The following CYP4F12 variants were observed in gnomAD, a reference collection of about 807,000 sequenced individuals.
CYP4F12 encodes cytochrome P450 4F12.
A neutral mutation model predicts 56.5 loss-of-function variants in CYP4F12; 60 were observed. That is an observed-to-expected ratio of 1.06 (90% CI 0.86 to 1.32). The LOEUF is 1.32. CYP4F12 is among the 40% of genes most tolerant of loss of function. The pLI, the probability that CYP4F12 is intolerant of heterozygous loss-of-function variation, is 0.00. For synonymous variants in CYP4F12, 263 were observed against 264.9 expected (o/e 0.99, Z 0.07); for missense variants, 711 against 683.5 (o/e 1.04, Z -0.45).
At position 15,697,081 on chromosome 19, in the gene CYP4F12, A is replaced by G. The variant is rs1226127535; in HGVS notation, c.1571A>G (p.Gln524Arg). The G allele has an allele frequency of 8.1e-6, 13 of 1,612,428 alleles. No individual in the cohort carries two copies. Among genetic ancestry groups the G allele is most frequent in the Admixed American group, 1.7e-5 (1 of 59,932 alleles). The change falls in exon 13 of 13, where the codon CAG (glutamine) becomes CGG (arginine). Residue 524 changes from glutamine to arginine, a missense_variant. By Grantham distance (43) the Gln-to-Arg change is conservative (BLOSUM62 1). Coordinates refer to ENST00000550308, the MANE Select transcript of CYP4F12 (RefSeq NM_023944.4). ...LRVEPLNVSL[Q>R] is the part of the protein sequence containing the mutation. ...GTGGAGCCCCTGAATGTAAGCTTGCAGTGACTTTCTGACCCATCCACCTGT... is the reference window on the plus strand; with the variant it reads ...GTGGAGCCCCTGAATGTAAGCTTGCGGTGACTTTCTGACCCATCCACCTGT...
intron 12 of CYP4F12, 130 bp downstream of exon 12, chr19:15,696,642 C>G: frequency 2.5e-6 from 3 of 1,220,362 alleles, no homozygotes; most frequent in Admixed American, 4.5e-5. Context: ...GGGAAAACGT[C>G]CATAGAATGG....
rs1240204147 is a variant in CYP4F12 at position 15,683,721 on chromosome 19, G to A, written c.876G>A (p.Lys292=). Residue 292 remains lysine (K), a synonymous_variant, in exon 7 of 13, where the codon AAG becomes AAA. Transcript: ENST00000550308. ...ATGATTTTTTCAAAGACAAAGCCAA[G>A]TCCAAGACTTTGGATTTCATTGATG... The part of the protein sequence containing the change: ...GIDDFFKDKA[K]SKTLDFIDVL... The A allele has an allele frequency of 1.3e-6, 2 of 1,592,446 alleles. No individual in the cohort carries two copies. The highest frequency in any genetic ancestry group is 1.7e-6 in the Non-Finnish European group (2 of 1,170,446).
Position 15,673,534 on chromosome 19 carries a change from C to T in CYP4F12, c.5C>T (p.Ser2Leu), listed in dbSNP as rs770281294. 23 of 1,613,156 alleles carry T rather than the reference C, an allele frequency of 1.4e-5. No homozygotes were observed. Among genetic ancestry groups the T allele is most frequent in the East Asian group, 4.5e-5 (2 of 44,870 alleles). The change falls in exon 2 of 13, where the codon TCG becomes TTG. Residue 2 changes from serine (S) to leucine (L), a missense_variant. Physicochemically the swap from Ser to Leu is moderately radical, Grantham distance 145 (BLOSUM62 -2). Transcript: ENST00000550308. ...GCATCCCCTCTGCCCTGCAGGATGT[C>T]GCTGCTGAGCCTGCCCTGGCTGGGC... MSLLSLPWLGLR... is the reference protein window; with the variant it reads MLLLSLPWLGLR...
rs1166149838 is a variant in CYP4F12 at position 15,678,276 on chromosome 19, G to C, written c.214G>C (p.Glu72Gln). The part of the protein sequence containing the change: ...GHLGLITPTE[E>Q]GLKNSTQMSA... ...TTGCTTTCAGATCACTCCTACAGAGGAGGGCTTGAAGAACTCGACCCAGAT... is the reference window on the plus strand; with the variant it reads ...TTGCTTTCAGATCACTCCTACAGAGCAGGGCTTGAAGAACTCGACCCAGAT... Residue 72 changes from glutamate (E) to glutamine (Q), a missense_variant, in exon 3 of 13, where the codon GAG becomes CAG. Physicochemically the swap from Glu to Gln is conservative, Grantham distance 29. Coordinates refer to ENST00000550308, the MANE Select transcript of CYP4F12 (RefSeq NM_023944.4). 1 of 1,614,204 alleles carries C rather than the reference G, an allele frequency of 6.2e-7. No homozygotes were observed. The highest frequency in any genetic ancestry group is 1.7e-5 in the Admixed American group (1 of 60,026).
rs371152597 is a variant in CYP4F12, at chr19:15,678,030, C to G, written c.199-231C>G. The stretch of plus-strand genomic sequence containing the variant: ...CCTCTCCTCACTCACTCCTTCCTCT[C>G]CACACTCACTCATTCCTCTCCTCAC... On this transcript the variant is annotated intron_variant, in intron 2 of 12. Coordinates refer to ENST00000550308, the MANE Select transcript of CYP4F12 (RefSeq NM_023944.4). Among the ~76,000 whole-genome samples the G allele has an allele frequency of 6.1e-5, 8 of 130,610 alleles. 2 individuals carry two copies. Among genetic ancestry groups the G allele is most frequent in the African/African-American group, 2.6e-4 (8 of 31,076 alleles). 85.7% of individuals were successfully genotyped at this position (130,610 alleles called of 152,430 possible).
intron 3 of CYP4F12, 180 bp downstream of exon 3, chr19:15,678,585 G>T: frequency 1.2e-6 from 1 of 837,602 alleles, no homozygotes; most frequent in South Asian, 1.8e-5. Flanking sequence ...GGCTCCAAGA[G>T]GCCTCAATTC....
intron 7 of CYP4F12, 47 bp downstream of exon 7, chr19:15,683,810 T>C (rs1194224729): frequency 4.7e-6 from 7 of 1,491,674 alleles, no homozygotes; most frequent in Non-Finnish European, 5.3e-6. Flanking sequence ...TAGAGCTTCA[T>C]GTCAAATGTC....
intron 5 of CYP4F12, chr19:15,680,979 G>T (rs1482737640): frequency 1.1e-5 from 3 of 278,454 alleles, no homozygotes; most frequent in Non-Finnish European, 2.1e-5. Context: ...TCACGTTTGG[G>T]GCTTCAGTAC....
In CYP4F12 at chr19:15,680,496, A is replaced by T. The variant is rs376384018; in HGVS notation, c.502A>T (p.Asn168Tyr). The change falls in exon 5 of 13, where the codon AAC becomes TAC. Residue 168 changes from asparagine to tyrosine, a missense_variant. Transcript: ENST00000550308. ...NILKSYITIFNKSANIMLDKW... is the reference protein window; with the variant it reads ...NILKSYITIFYKSANIMLDKW... ...CCTGAAGTCCTATATAACGATCTTC[A>T]ACAAGAGTGCAAACATCATGCTTGT... 6.2e-7 allele frequency: 1 copy of T among 1,614,180 alleles called. No individual in the cohort carries two copies. Among genetic ancestry groups the T allele is most frequent in the Non-Finnish European group, 8.5e-7 (1 of 1,180,026 alleles).
intron 5 of CYP4F12, chr19:15,681,496 T>A (rs910500628): frequency 2.0e-5 from 3 of 152,250 alleles, no homozygotes; most frequent in Non-Finnish European, 4.4e-5. Flanking sequence ...GTACTTCTTG[T>A]TGGTTTGTAT....
chr19:15,674,712 C>T (rs796308351), intron 2 of CYP4F12, among the ~76,000 whole-genome samples: 3,085 of 23,660 alleles, frequency 0.13, 16 homozygotes, highest in African/African-American at 0.27. Flanking sequence ...TTCCTCTACC[C>T]ACCGACTCAT....
chr19:15,674,689 C>A (rs9305062), intron 2 of CYP4F12, among the ~76,000 whole-genome samples: 1 of 135,284 alleles, frequency 7.4e-6, no homozygotes, highest in Non-Finnish European at 1.6e-5. Context: ...TCATTCCTCT[C>A]CTCATTCACT....
At chr19:15,683,811 G>A in intron 7 of CYP4F12, 48 bp downstream of exon 7, 1 of 1,491,156 alleles carries the variant, frequency 6.7e-7, no homozygotes, top group Non-Finnish European at 8.9e-7. Context: ...AGAGCTTCAT[G>A]TCAAATGTCA....
At chr19:15,680,938 G>A in intron 5 of CYP4F12, 1 of 308,082 alleles carries the variant, frequency 3.2e-6, no homozygotes, top group South Asian at 2.8e-5. Flanking sequence ...GTGGGTCGGG[G>A]GGCAGCTTTG....
intron 2 of CYP4F12, among the ~76,000 whole-genome samples, chr19:15,677,056 T>TTCACTCATTCCTCTCCTCAC (rs2006980257): frequency 9.0e-5 from 1 of 11,122 alleles, no homozygotes; most frequent in Non-Finnish European, 2.1e-4. Flanking sequence ...CCTCCCCTCA[T>TTCACTCATTCCTCTCCTCAC]TCAGTCATTC....
chr19:15,683,693 T>C lies in CYP4F12; in HGVS notation c.848T>C (p.Ile283Thr), dbSNP rs1451452372. 7 of 1,607,900 alleles carry C rather than the reference T, an allele frequency of 4.4e-6. No homozygotes were observed. In the South Asian group the frequency reaches 6.6e-5, roughly 15 times the overall value. Residue 283 changes from isoleucine to threonine, a missense_variant, in exon 7 of 13, where the codon ATT (isoleucine) becomes ACT (threonine). Transcript: ENST00000550308. ...CGTCGCACCCTCCCCACTCAGGGTA[T>C]TGATGATTTTTTCAAAGACAAAGCC... The part of the protein sequence containing the change: ...ERRRTLPTQG[I>T]DDFFKDKAKS...
At chr19:15,685,707 A>G (rs974229025) in intron 9 of CYP4F12, among the ~76,000 whole-genome samples, 4 of 152,212 alleles carry the variant, frequency 2.6e-5, no homozygotes, top group African/African-American at 9.7e-5. Context: ...AGGACAATAT[A>G]TGAAGGCAGA....
chr19:15,696,153 T>C lies in CYP4F12; in HGVS notation c.1250-8T>C, dbSNP rs764812663. The stretch of plus-strand genomic sequence containing the variant: ...TCCTTGTCCTGACTGCCCCTTTCTC[T>C]CCCACAGGCATTACCTGCCTCATCG... On this transcript the variant is annotated splice_region_variant and splice_polypyrimidine_tract_variant and intron_variant, in intron 10 of 12. Transcript: ENST00000550308. The C allele has an allele frequency of 1.9e-6, 3 of 1,613,504 alleles. No homozygotes were observed. In the Admixed American group the frequency reaches 5.0e-5, roughly 27 times the overall value.
rs1478262914 is a variant in CYP4F12, at chr19:15,696,105, A to C, written c.1249+36A>C. The C allele has an allele frequency of 1.9e-6, 3 of 1,610,642 alleles. No homozygotes were observed. The African/African-American group carries it at 4.0e-5, about 22-fold the overall frequency. On this transcript the variant is annotated intron_variant, in intron 10 of 12. Transcript: ENST00000550308. ...CCTCAGGGGGAGAAGCCTCCCGGGT[A>C]GGAAGATGGTTCCCTCAGGGGATCC...
Sources: allele counts gnomAD v4.1 joint callset (sites outside exome capture counted in the v4.1 genomes callset), GRCh38; gene constraint gnomAD v4.1.1; transcripts MANE v1.5; gene names NCBI Gene and HGNC (gene_info 2026-07-23, HGNC 2026-07-21).